Variants in RBMS3 observed in about 807,000 individuals in gnomAD.
RBMS3 encodes RNA-binding motif, single-stranded-interacting protein 3.
In RBMS3, 27 loss-of-function variants were observed where a neutral mutation model predicts 66.8. The ratio of observed to expected loss-of-function variants is 0.40; its 90% CI spans 0.30 to 0.56. RBMS3 has a LOEUF of 0.56. Among genes scored for constraint, RBMS3 ranks in the 20% least tolerant of loss-of-function variants. The pLI is 0.40. For synonymous variants in RBMS3, 188 were observed against 183.0 expected, an observed-to-expected ratio of 1.03 and a Z score of -0.22; for missense variants, 513 against 549.5, an observed-to-expected ratio of 0.93 and a Z score of 0.66.
intron 3 of RBMS3, among the ~76,000 whole-genome samples, chr3:29,528,594 A>G (rs183378114): frequency 3.1e-3 from 472 of 152,286 alleles, no homozygotes; most frequent in Non-Finnish European, 3.8e-3. Context: ...TGATCATTTT[A>G]TACTTGTAAT....
chr3:29,697,347 A>T (rs2052325821), intron 4 of RBMS3, among the ~76,000 whole-genome samples: 1 of 152,204 alleles, frequency 6.6e-6, no homozygotes, highest in Admixed American at 6.5e-5. Context: ...GCCCATTTGC[A>T]CAATCCTATT....
At chr3:29,418,769 T>A (rs1401110753) in intron 1 of RBMS3, among the ~76,000 whole-genome samples, 1 of 152,206 alleles carries the variant, frequency 6.6e-6, no homozygotes, top group Non-Finnish European at 1.5e-5. Context: ...AGTCTACTGA[T>A]GGATCTTAAT....
intron 1 of RBMS3, among the ~76,000 whole-genome samples, chr3:29,331,233 G>A (rs2035634589): frequency 6.6e-6 from 1 of 152,014 alleles, no homozygotes. Context: ...TCTGCTTCTG[G>A]GTGTTTGACT....
intron 6 of RBMS3, chr3:29,797,938 A>C (rs1026624259): frequency 2.0e-5 from 3 of 151,944 alleles, no homozygotes; most frequent in African/African-American, 7.2e-5. Context: ...TCTTTCTTTC[A>C]CCTGAACAAC....
chr3:29,794,804 G>T lies in RBMS3; in HGVS notation c.637+31815G>T, dbSNP rs550420682. ...TGAATGTACACATGGTCATGTGCCC[G>T]GTACACAGCTATCCACAGGTGATAA... On this transcript the variant is annotated intron_variant, in intron 6 of 14. Transcript: ENST00000383767. Among the ~76,000 whole-genome samples, 11 of 152,200 alleles carry T rather than the reference G, an allele frequency of 7.2e-5. No homozygotes were observed. The East Asian group carries it at 2.1e-3, about 29-fold the overall frequency.
rs146590194 is a variant in RBMS3 at position 29,819,548 on chromosome 3, T to A, written c.638-49310T>A. On this transcript the variant is annotated intron_variant, in intron 6 of 14. Transcript: ENST00000383767. ...AATTGAATATCATGGTTTTGAGATT[T>A]ACAGATGGATCTAGCCTCTTCATTT... is the stretch of plus-strand genomic sequence containing the variant. 6.6e-3 allele frequency among the ~76,000 whole-genome samples: 1,013 copies of A among 152,344 alleles called. 9 individuals are homozygous for A. The highest frequency in any genetic ancestry group is 0.022 in the African/African-American group (915 of 41,580).
chr3:29,379,198 A>G (rs1488648642), intron 1 of RBMS3, among the ~76,000 whole-genome samples: 3 of 152,192 alleles, frequency 2.0e-5, no homozygotes, highest in African/African-American at 7.2e-5. Context: ...AATTTGTTAA[A>G]TGGTATTTCT....
At chr3:29,350,670 G>A (rs904356661) in intron 1 of RBMS3, among the ~76,000 whole-genome samples, 1 of 151,962 alleles carries the variant, frequency 6.6e-6, no homozygotes, top group Non-Finnish European at 1.5e-5. Flanking sequence ...AATCAGCATC[G>A]CGAATATGGA....
chr3:29,527,580 C>T (rs1021142393), intron 3 of RBMS3, among the ~76,000 whole-genome samples: 3 of 152,112 alleles, frequency 2.0e-5, no homozygotes, highest in African/African-American at 7.2e-5. Context: ...ATCCTGAAGT[C>T]CTAGGTTATA....
At position 30,008,431 on chromosome 3, in the gene RBMS3, C is replaced by G. The variant is rs150789996; in HGVS notation, c.*4569C>G. The G allele has an allele frequency of 3.9e-5, 6 of 152,130 alleles. No homozygotes were observed. The East Asian group carries it at 1.2e-3, about 29-fold the overall frequency. 9.4% of individuals were successfully genotyped at this position (152,130 alleles called of 1,614,324 possible). A position where few individuals can be genotyped will look rare whatever the true frequency, so the allele number is the denominator to read the frequency against. On this transcript the variant is annotated 3_prime_UTR_variant, in exon 15 of 15. Transcript: ENST00000383767. ...GTTTATGTACGTGTATAACAACATTCAGCACATTTGAGGAATCACACACTA... is the reference window on the plus strand; with the variant it reads ...GTTTATGTACGTGTATAACAACATTGAGCACATTTGAGGAATCACACACTA...
At chr3:29,691,102 T>A (rs1485193287) in intron 4 of RBMS3, among the ~76,000 whole-genome samples, 2 of 152,210 alleles carry the variant, frequency 1.3e-5, no homozygotes, top group Non-Finnish European at 2.9e-5. Context: ...TTTAACTCCA[T>A]GGAATTGCAG....
In RBMS3 at chr3:29,611,307, C is replaced by A. The variant is rs149616946; in HGVS notation, c.399+24102C>A. 2.0e-4 allele frequency among the ~76,000 whole-genome samples: 31 copies of A among 152,114 alleles called. No individual in the cohort carries two copies. The East Asian group carries it at 5.8e-3, about 29-fold the overall frequency. ...CCGTTTAGAAGGCATATTCTTCAAACCTGAGTTTTATTTGGTAAAACACGT... is the reference window on the plus strand; with the variant it reads ...CCGTTTAGAAGGCATATTCTTCAAAACTGAGTTTTATTTGGTAAAACACGT... On this transcript the variant is annotated intron_variant, in intron 4 of 14. Transcript: ENST00000383767.
At chr3:29,369,191 C>G (rs1389441325) in intron 1 of RBMS3, among the ~76,000 whole-genome samples, 2 of 151,916 alleles carry the variant, frequency 1.3e-5, no homozygotes, top group Non-Finnish European at 2.9e-5. Flanking sequence ...GGGAGAGGAT[C>G]AGGAAGAATA....
chr3:29,461,920 A>ATTTTTTTTTTTTT (rs61115023), intron 2 of RBMS3, among the ~76,000 whole-genome samples: 5 of 93,298 alleles, frequency 5.4e-5, no homozygotes, highest in African/African-American at 1.6e-4. Context: ...TGCCCGGCTA[A>ATTTTTTTTTTTTT]TTTTTTTTTT....
chr3:29,784,704 A>T (rs1241320819), intron 6 of RBMS3, among the ~76,000 whole-genome samples: 1 of 152,096 alleles, frequency 6.6e-6, no homozygotes, highest in Non-Finnish European at 1.5e-5. Context: ...AACTAAATGA[A>T]TTTGAAACAA....
intron 6 of RBMS3, among the ~76,000 whole-genome samples, chr3:29,827,472 T>G (rs1294602742): frequency 6.6e-6 from 1 of 152,138 alleles, no homozygotes; most frequent in Non-Finnish European, 1.5e-5. Context: ...ATTATAAAAG[T>G]TTTTGATCTC....
At chr3:29,543,882 A>G (rs1445997768) in intron 3 of RBMS3, among the ~76,000 whole-genome samples, 1 of 152,050 alleles carries the variant, frequency 6.6e-6, no homozygotes, top group Non-Finnish European at 1.5e-5. Context: ...AATATTCTTT[A>G]AAATAGAAAA....
intron 1 of RBMS3, among the ~76,000 whole-genome samples, chr3:29,342,884 A>G (rs190946505): frequency 3.3e-5 from 5 of 152,246 alleles, no homozygotes; most frequent in Admixed American, 3.3e-4. Flanking sequence ...AGCCAAATAA[A>G]TGGAAATTAA....
At chr3:29,389,461 G>A (rs761034441) in intron 1 of RBMS3, among the ~76,000 whole-genome samples, 7 of 152,148 alleles carry the variant, frequency 4.6e-5, no homozygotes, top group Non-Finnish European at 8.8e-5. Context: ...GTTGAGGGAT[G>A]TTCACAATGC....
Sources: allele counts gnomAD v4.1 joint callset (sites outside exome capture counted in the v4.1 genomes callset), GRCh38; gene constraint gnomAD v4.1.1; transcripts MANE v1.5; gene names NCBI Gene and HGNC (gene_info 2026-07-23, HGNC 2026-07-21).